Variants in NNT observed in about 807,000 individuals in gnomAD.
NNT encodes the protein NAD(P) transhydrogenase, mitochondrial.
A neutral mutation model predicts 104.8 loss-of-function variants in NNT; 50 were observed. The observed-to-expected ratio is 0.48, with a 90% CI of 0.38 to 0.60. The LOEUF (loss-of-function observed/expected upper bound fraction) is 0.60, where lower values mean the gene tolerates loss of function less well. Among genes scored for constraint, NNT ranks in the 20% least tolerant of loss-of-function variants. The pLI is 0.00. For synonymous variants in NNT, 461 were observed against 490.4 expected (o/e 0.94, Z 0.79); for missense variants, 1,131 against 1,330.7 (o/e 0.85, Z 2.33).
At chr5:43,691,660 T>TGA (rs1742291205) in intron 19 of NNT, among the ~76,000 whole-genome samples, 1 of 152,242 alleles carries the variant, frequency 6.6e-6, no homozygotes. Flanking sequence ...ATCAGCTGAT[T>TGA]AATAATGCAA....
intron 4 of NNT, among the ~76,000 whole-genome samples, chr5:43,617,110 G>T (rs977921144): frequency 1.3e-5 from 2 of 152,092 alleles, no homozygotes; most frequent in African/African-American, 4.8e-5. Flanking sequence ...AATTTATTTA[G>T]CCTGTAAGGG....
intron 7 of NNT, among the ~76,000 whole-genome samples, chr5:43,642,633 C>T (rs1455048038): frequency 6.6e-6 from 1 of 152,056 alleles, no homozygotes; most frequent in Admixed American, 6.5e-5. Flanking sequence ...GAAGAAGGTC[C>T]AATGGTGCAG....
chr5:43,645,267 A>G (rs1739324591), intron 9 of NNT, 90 bp from the exon 10 acceptor site: 1 of 661,376 alleles, frequency 1.5e-6, no homozygotes, highest in African/African-American at 1.9e-5. Context: ...TATTTAAAAG[A>G]ACAGGGTTTT....
chr5:43,649,193 C>G lies in NNT; in HGVS notation c.1491C>G (p.Ala497=). 1 of 1,614,188 alleles carries G rather than the reference C, an allele frequency of 6.2e-7. No individual in the cohort carries two copies. Among genetic ancestry groups the G allele is most frequent in the Non-Finnish European group, 8.5e-7 (1 of 1,180,026 alleles). The change falls in exon 11 of 22, where the codon GCC becomes GCG. Residue 497 remains alanine (A), a synonymous_variant. Transcript: ENST00000344920. The part of the protein sequence containing the change: ...LGLGIAAPNL[A]FSQMVTTFGL... ...TGGGCATTGCGGCTCCCAATCTAGC[C>G]TTTTCTCAGATGGTGACCACTTTTG...
At chr5:43,703,524 G>C (rs1303851840) in intron 21 of NNT, among the ~76,000 whole-genome samples, 1 of 152,076 alleles carries the variant, frequency 6.6e-6, no homozygotes, top group Admixed American at 6.6e-5. Flanking sequence ...CTATACTAAC[G>C]CTATAAGAAG....
At chr5:43,669,190 TG>T (rs1740897039) in intron 17 of NNT, among the ~76,000 whole-genome samples, 1 of 152,102 alleles carries the variant, frequency 6.6e-6, no homozygotes, top group Non-Finnish European at 1.5e-5. Context: ...GCTGAGACAA[TG>T]GGGTTTTCTA....
chr5:43,669,943 T>A (rs1740957407), intron 17 of NNT, among the ~76,000 whole-genome samples: 1 of 152,086 alleles, frequency 6.6e-6, no homozygotes, highest in African/African-American at 2.4e-5. Context: ...CTATTAATTA[T>A]TGCCTCAATT....
At chr5:43,640,059 A>G (rs1751141237) in intron 7 of NNT, among the ~76,000 whole-genome samples, 1 of 151,928 alleles carries the variant, frequency 6.6e-6, no homozygotes, top group Non-Finnish European at 1.5e-5. Flanking sequence ...GCCTTCTTTT[A>G]TTAATTTTCC....
At chr5:43,669,269 T>G (rs1218289615) in intron 17 of NNT, among the ~76,000 whole-genome samples, 10 of 152,132 alleles carry the variant, frequency 6.6e-5, no homozygotes, top group African/African-American at 2.4e-4. Context: ...GAATACCCTT[T>G]ATTTCTTTCT....
intron 19 of NNT, among the ~76,000 whole-genome samples, chr5:43,698,301 G>T (rs1742667709): frequency 6.6e-6 from 1 of 151,536 alleles, no homozygotes; most frequent in African/African-American, 2.4e-5. Flanking sequence ...TCCCAGCTGG[G>T]GCCATTGTCT....
intron 17 of NNT, among the ~76,000 whole-genome samples, chr5:43,668,888 G>A (rs1221946964): frequency 6.6e-6 from 1 of 152,172 alleles, no homozygotes; most frequent in African/African-American, 2.4e-5. Context: ...CCATTTTCAC[G>A]ATATTGATTC....
At chr5:43,617,018 G>A (rs7700826) in intron 4 of NNT, among the ~76,000 whole-genome samples, 10,406 of 152,140 alleles carry the variant, frequency 0.068, 625 homozygotes, top group African/African-American at 0.16. Context: ...TGACACCTAA[G>A]CAGAAAGTTT....
At chr5:43,680,696 A>G (rs922579802) in intron 19 of NNT, among the ~76,000 whole-genome samples, 4 of 152,204 alleles carry the variant, frequency 2.6e-5, no homozygotes, top group Admixed American at 2.6e-4. Context: ...AGCTAAGATT[A>G]TATAATGAAG....
chr5:43,624,005 T>G (rs905049666), intron 5 of NNT, 27 bp from the exon 6 acceptor site: 2 of 1,608,200 alleles, frequency 1.2e-6, no homozygotes, highest in Non-Finnish European at 1.7e-6. Flanking sequence ...TAATGAGCCT[T>G]AACACATAAC....
At chr5:43,679,701 T>C (rs1387377772) in intron 19 of NNT, among the ~76,000 whole-genome samples, 1 of 152,168 alleles carries the variant, frequency 6.6e-6, no homozygotes, top group Non-Finnish European at 1.5e-5. Context: ...GTGACAGTGC[T>C]TGGGAAGAGT....
At chr5:43,698,160 A>G (rs1580133729) in intron 19 of NNT, among the ~76,000 whole-genome samples, 1 of 151,930 alleles carries the variant, frequency 6.6e-6, no homozygotes, top group East Asian at 1.9e-4. Context: ...TGAATATATT[A>G]TATAATATAT....
intron 12 of NNT, among the ~76,000 whole-genome samples, chr5:43,651,429 T>G (rs945077262): frequency 1.3e-5 from 2 of 151,972 alleles, no homozygotes; most frequent in African/African-American, 4.8e-5. Context: ...AATACAAAAA[T>G]TAGCCCAGCA....
At chr5:43,688,535 A>C (rs1742099847) in intron 19 of NNT, among the ~76,000 whole-genome samples, 1 of 152,112 alleles carries the variant, frequency 6.6e-6, no homozygotes, top group Non-Finnish European at 1.5e-5. Context: ...CACTGTACCC[A>C]ATGTGTACTC....
Position 43,613,148 on chromosome 5 carries a change from C to CT in NNT, c.381+16dup. 6.3e-7 allele frequency: 1 copy of CT among 1,596,172 alleles called. No individual in the cohort carries two copies. The highest frequency in any genetic ancestry group is 8.6e-7 in the Non-Finnish European group (1 of 1,166,074). ...GATTTGGTGGTCAAAGTAATTATTC[C>CT]TTTTTCCTCTCCCATTTACAGCATG... On this transcript the variant is annotated intron_variant, in intron 3 of 21. Transcript: ENST00000344920.
Sources: gnomAD v4.1 joint callset for allele counts (sites outside exome capture counted in the v4.1 genomes callset) on GRCh38, gnomAD v4.1.1 for gene constraint, MANE v1.5 for transcripts, NCBI Gene and HGNC (gene_info 2026-07-23, HGNC 2026-07-21) for gene names.